MEGF11: variants seen among roughly 807,000 people sequenced by gnomAD.
MEGF11 encodes multiple EGF like domains 11, also known as multiple epidermal growth factor-like domains protein 11.
Under a neutral mutation model 146.6 loss-of-function variants are expected in MEGF11, and 126 were observed. The observed-to-expected ratio is 0.86, with a 90% CI of 0.74 to 1.00. The LOEUF (loss-of-function observed/expected upper bound fraction) is 1.00, where lower values mean the gene tolerates loss of function less well. Among genes scored for constraint, MEGF11 ranks in the 50% least tolerant of loss-of-function variants. The pLI is 0.00. For synonymous variants in MEGF11, 532 were observed against 583.4 expected (o/e 0.91, Z 1.27); for missense variants, 1,509 against 1,521.2 (o/e 0.99, Z 0.13).
chr15:65,914,649 TCTC>T (rs1173688514), intron 19 of MEGF11, among the ~76,000 whole-genome samples: 2 of 152,162 alleles, frequency 1.3e-5, no homozygotes, highest in Non-Finnish European at 2.9e-5. Context: ...TGTCTAGACT[TCTC>T]CTTGACTGTT....
chr15:65,938,135 A>T (rs1434080262), intron 10 of MEGF11, among the ~76,000 whole-genome samples: 1 of 152,214 alleles, frequency 6.6e-6, no homozygotes, highest in East Asian at 1.9e-4. Context: ...CTGGTCACAC[A>T]CCTGTCCTAA....
At chr15:66,158,119 C>G (rs1470158368) in intron 1 of MEGF11, among the ~76,000 whole-genome samples, 1 of 152,110 alleles carries the variant, frequency 6.6e-6, no homozygotes, top group African/African-American at 2.4e-5. Context: ...GCTGCAGATT[C>G]CCAGATTCAT....
chr15:66,094,710 A>C (rs550460167), intron 4 of MEGF11, among the ~76,000 whole-genome samples: 7 of 152,248 alleles, frequency 4.6e-5, no homozygotes, highest in African/African-American at 1.7e-4. Flanking sequence ...ATCCCAGCTC[A>C]TTTCTTAAAA....
At chr15:66,221,169 C>T (rs1047206269) in intron 1 of MEGF11, among the ~76,000 whole-genome samples, 2 of 152,018 alleles carry the variant, frequency 1.3e-5, no homozygotes, top group African/African-American at 4.8e-5. Context: ...AGTCCCACGG[C>T]AGGGTAACAG....
At chr15:66,127,896 C>T (rs534149670) in intron 2 of MEGF11, among the ~76,000 whole-genome samples, 10 of 152,302 alleles carry the variant, frequency 6.6e-5, no homozygotes, top group South Asian at 4.1e-4. Context: ...CAAGCTGCCA[C>T]GGGGCTGCCA....
Position 65,906,086 on chromosome 15 carries a change from TTTGAAGCCTTTGTCCATAATG to T in MEGF11, c.3033_3053del (p.Tyr1011_Lys1018delinsTer). 6.2e-7 allele frequency: 1 copy of T among 1,609,596 alleles called. No homozygotes were observed. Reference sequence around the variant, plus strand: ...AGACAGCAGGATTGGATACTCTACCTTTGAAGCCTTTGTCCATAATGTATGTGTTCTGACGTCTATCCATTC... The same window carrying T: ...AGACAGCAGGATTGGATACTCTACCTTATGTGTTCTGACGTCTATCCATTC... On this transcript the variant is annotated stop_gained and inframe_deletion and splice_region_variant, in exon 24 of 26. Coordinates refer to ENST00000395614, the MANE Select transcript of MEGF11 (RefSeq NM_001385028.1). LOFTEE classifies it high-confidence loss of function.
At chr15:65,916,398 C>G in intron 17 of MEGF11, 122 bp from the exon 18 acceptor site, 1 of 1,245,276 alleles carries the variant, frequency 8.0e-7, no homozygotes. Flanking sequence ...CTAGTGAGAC[C>G]CTGCACCAGA....
intron 1 of MEGF11, among the ~76,000 whole-genome samples, chr15:66,188,821 A>T (rs1259079702): frequency 6.6e-6 from 1 of 152,240 alleles, no homozygotes; most frequent in African/African-American, 2.4e-5. Flanking sequence ...CCTTGCAGAA[A>T]GAAAATCGAA....
chr15:66,050,337 G>C (rs1372976487), intron 5 of MEGF11, among the ~76,000 whole-genome samples: 4 of 150,714 alleles, frequency 2.7e-5, no homozygotes, highest in Non-Finnish European at 5.9e-5. Context: ...GGGGAAGAGG[G>C]GGCTGGGGTA....
intron 7 of MEGF11, among the ~76,000 whole-genome samples, chr15:65,980,086 C>T (rs940783924): frequency 6.6e-6 from 1 of 152,202 alleles, no homozygotes; most frequent in Admixed American, 6.5e-5. Context: ...TAGATAAATT[C>T]AGGTCATCCA....
chr15:66,009,688 G>C (rs2082646096), intron 5 of MEGF11, among the ~76,000 whole-genome samples: 1 of 151,834 alleles, frequency 6.6e-6, no homozygotes, highest in Non-Finnish European at 1.5e-5. Context: ...CACCTCCCGG[G>C]TTCACGCCAT....
intron 4 of MEGF11, among the ~76,000 whole-genome samples, chr15:66,103,937 A>G (rs1597086606): frequency 6.6e-6 from 1 of 152,344 alleles, no homozygotes; most frequent in African/African-American, 2.4e-5. Flanking sequence ...CTTTTTCTGC[A>G]TCAGTGCCCT....
At chr15:66,045,146 A>C (rs888373715) in intron 5 of MEGF11, among the ~76,000 whole-genome samples, 3 of 152,254 alleles carry the variant, frequency 2.0e-5, no homozygotes, top group Non-Finnish European at 4.4e-5. Flanking sequence ...TTGTGGGTCC[A>C]GGCAGCTTCC....
chr15:66,076,741 TG>T (rs2085604852), intron 5 of MEGF11, among the ~76,000 whole-genome samples: 1 of 152,218 alleles, frequency 6.6e-6, no homozygotes, highest in African/African-American at 2.4e-5. Flanking sequence ...ATGTCCAACC[TG>T]GCCTCTGTGG....
chr15:66,127,261 C>A (rs924790842), intron 2 of MEGF11, among the ~76,000 whole-genome samples: 1 of 152,254 alleles, frequency 6.6e-6, no homozygotes, highest in African/African-American at 2.4e-5. Context: ...GGACACACCA[C>A]AGTACTGCCT....
At chr15:66,086,569 T>C (rs1018287247) in intron 5 of MEGF11, among the ~76,000 whole-genome samples, 2 of 152,112 alleles carry the variant, frequency 1.3e-5, no homozygotes, top group South Asian at 4.1e-4. Context: ...CTAAGCATCA[T>C]ATGTGAAGGA....
chr15:66,113,420 G>A (rs1468461314), intron 4 of MEGF11, among the ~76,000 whole-genome samples: 3 of 152,208 alleles, frequency 2.0e-5, no homozygotes, highest in African/African-American at 7.2e-5. Context: ...GCTTGAGGGA[G>A]TTCATTTGCC....
At chr15:66,040,316 C>G (rs1280804182) in intron 5 of MEGF11, 1 of 154,894 alleles carries the variant, frequency 6.5e-6, no homozygotes, top group Non-Finnish European at 1.5e-5. Context: ...CAGGTTCGAT[C>G]TTTGGCCCTC....
At chr15:66,225,925 A>T (rs1489894640) in intron 1 of MEGF11, among the ~76,000 whole-genome samples, 1 of 152,190 alleles carries the variant, frequency 6.6e-6, no homozygotes, top group Admixed American at 6.5e-5. Flanking sequence ...ACCCACACTC[A>T]CACTCACATG....
Sources: allele counts gnomAD v4.1 joint callset (sites outside exome capture counted in the v4.1 genomes callset), GRCh38; gene constraint gnomAD v4.1.1; transcripts MANE v1.5; gene names NCBI Gene and HGNC (gene_info 2026-07-23, HGNC 2026-07-21).